Variants in IFTAP observed in about 807,000 individuals in gnomAD.
The protein encoded by IFTAP is intraflagellar transport associated protein.
In IFTAP, 19 loss-of-function variants were observed where a neutral mutation model predicts 19.4. That is an observed-to-expected ratio of 0.98 (90% CI 0.68 to 1.44). IFTAP has a LOEUF of 1.44. Ranked by LOEUF, IFTAP falls within the 40% of genes most tolerant of loss-of-function variation. The pLI, the probability that IFTAP is intolerant of heterozygous loss-of-function variation, is 0.00. For missense variants in IFTAP, 240 were observed against 253.6 expected, an observed-to-expected ratio of 0.95 and a Z score of 0.36; for synonymous variants, 85 against 83.5, an observed-to-expected ratio of 1.02 and a Z score of -0.10.
intron 4 of IFTAP, among the ~76,000 whole-genome samples, chr11:36,637,999 G>T (rs1853024601): frequency 6.6e-6 from 1 of 151,886 alleles, no homozygotes; most frequent in East Asian, 1.9e-4. Context: ...TCCTGCCTCA[G>T]CCTCCCAAGT....
chr11:36,616,887 C>T lies in IFTAP; in HGVS notation c.136+6648C>T, dbSNP rs147078796. Among the ~76,000 whole-genome samples, 952 of 151,766 alleles carry T rather than the reference C, an allele frequency of 6.3e-3. 11 individuals are homozygous for T. The highest frequency in any genetic ancestry group is 0.022 in the African/African-American group (921 of 41,452). The stretch of plus-strand genomic sequence containing the variant: ...AAATTTAAATAAAAAAACTGATATT[C>T]AATTCATTTATTAGAAAACTTTAAA... On this transcript the variant is annotated intron_variant, in intron 2 of 5. Transcript: ENST00000334307.
chr11:36,617,121 GATA>G (rs1440134977), intron 2 of IFTAP, among the ~76,000 whole-genome samples: 1 of 149,692 alleles, frequency 6.7e-6, no homozygotes, highest in East Asian at 1.9e-4. Context: ...TATTTGAAAT[GATA>G]ATATTTTAGA....
intron 4 of IFTAP, among the ~76,000 whole-genome samples, chr11:36,637,754 AAG>A (rs1298795039): frequency 3.3e-5 from 5 of 152,170 alleles, no homozygotes; most frequent in African/African-American, 1.2e-4. Flanking sequence ...TAAATTTCAT[AAG>A]AGGGCACAAA....
chr11:36,648,334 C>T (rs1853575653), intron 5 of IFTAP, 179 bp downstream of exon 5: 1 of 732,780 alleles, frequency 1.4e-6, no homozygotes, highest in Non-Finnish European at 2.1e-6. Flanking sequence ...TTTTTAAACA[C>T]ATAGAGCAAT....
intron 5 of IFTAP, among the ~76,000 whole-genome samples, chr11:36,657,064 A>G (rs891630066): frequency 4.6e-5 from 7 of 152,124 alleles, no homozygotes; most frequent in African/African-American, 7.2e-5. Context: ...TTGAAGCTTA[A>G]TAGACATGTG....
At chr11:36,653,131 A>G (rs764851314) in intron 5 of IFTAP, among the ~76,000 whole-genome samples, 3 of 152,084 alleles carry the variant, frequency 2.0e-5, no homozygotes, top group Non-Finnish European at 4.4e-5. Context: ...TTACCATATT[A>G]CTTTGTATAG....
intron 1 of IFTAP, among the ~76,000 whole-genome samples, chr11:36,609,112 A>G (rs1362422732): frequency 6.6e-6 from 1 of 152,220 alleles, no homozygotes; most frequent in Non-Finnish European, 1.5e-5. Context: ...CCCATACAGC[A>G]TGATAAATTT....
At chr11:36,639,286 A>G (rs1853097549) in intron 4 of IFTAP, among the ~76,000 whole-genome samples, 1 of 150,636 alleles carries the variant, frequency 6.6e-6, no homozygotes, top group African/African-American at 2.5e-5. Flanking sequence ...TCTGAGATTC[A>G]TACTGTCTTA....
intron 1 of IFTAP, among the ~76,000 whole-genome samples, chr11:36,602,957 A>T (rs945986502): frequency 1.2e-4 from 19 of 152,268 alleles, no homozygotes; most frequent in African/African-American, 3.6e-4. Context: ...ATCTGTTTTT[A>T]AAAAATGATA....
chr11:36,609,737 G>C (rs973619925), intron 1 of IFTAP, among the ~76,000 whole-genome samples: 6 of 152,136 alleles, frequency 3.9e-5, no homozygotes, highest in Non-Finnish European at 8.8e-5. Flanking sequence ...CATTGGATGG[G>C]TGGTTAGTTG....
chr11:36,626,357 A>C (rs983409725), intron 2 of IFTAP, among the ~76,000 whole-genome samples: 1 of 151,300 alleles, frequency 6.6e-6, no homozygotes, highest in African/African-American at 2.5e-5. Flanking sequence ...TGAGTGAGTA[A>C]AAATTTTAAG....
chr11:36,636,388 C>T (rs968056858), intron 4 of IFTAP, among the ~76,000 whole-genome samples: 1 of 152,192 alleles, frequency 6.6e-6, no homozygotes, highest in Non-Finnish European at 1.5e-5. Context: ...AGGTAATTGT[C>T]TCAAGTGGAG....
intron 1 of IFTAP, among the ~76,000 whole-genome samples, chr11:36,606,543 C>G (rs1334802646): frequency 6.6e-6 from 1 of 152,180 alleles, no homozygotes. Flanking sequence ...TGAATTTGTG[C>G]TGGCACAATC....
chr11:36,617,233 G>A (rs1288639048), intron 2 of IFTAP, among the ~76,000 whole-genome samples: 1 of 148,144 alleles, frequency 6.8e-6, no homozygotes, highest in African/African-American at 2.5e-5. Context: ...TTATTTTTTT[G>A]TATATTTATT....
chr11:36,622,783 A>G (rs988476191), intron 2 of IFTAP, among the ~76,000 whole-genome samples: 1 of 152,174 alleles, frequency 6.6e-6, no homozygotes, highest in Non-Finnish European at 1.5e-5. Context: ...ATATGAAAGG[A>G]ATCTTGAATG....
intron 2 of IFTAP, among the ~76,000 whole-genome samples, chr11:36,615,502 A>G (rs1852046186): frequency 1.3e-5 from 1 of 79,352 alleles, no homozygotes; most frequent in Non-Finnish European, 2.4e-5. Context: ...TCTGTAAATT[A>G]CCTTGGGCAG....
At chr11:36,637,851 C>T (rs1273196402) in intron 4 of IFTAP, among the ~76,000 whole-genome samples, 1 of 151,856 alleles carries the variant, frequency 6.6e-6, no homozygotes. Context: ...CATAAACCAA[C>T]ATAGCCAACA....
At chr11:36,599,752 A>T (rs1590729403) in intron 1 of IFTAP, among the ~76,000 whole-genome samples, 1 of 152,126 alleles carries the variant, frequency 6.6e-6, no homozygotes, top group East Asian at 1.9e-4. Context: ...TCCTTCTGTG[A>T]TGATTTTTTT....
intron 3 of IFTAP, among the ~76,000 whole-genome samples, chr11:36,635,304 A>G (rs1498345): frequency 0.15 from 23,482 of 152,096 alleles, 2,622 homozygotes; most frequent in African/African-American, 0.31. Context: ...TTTCTTATTT[A>G]CACTCTTTGA....
Sources: gnomAD v4.1 joint callset for allele counts (sites outside exome capture counted in the v4.1 genomes callset) on GRCh38, gnomAD v4.1.1 for gene constraint, MANE v1.5 for transcripts, NCBI Gene and HGNC (gene_info 2026-07-23, HGNC 2026-07-21) for gene names.